Variants in CDKN1A observed in about 807,000 individuals in gnomAD.
The protein encoded by CDKN1A is cyclin dependent kinase inhibitor 1A, also known as cyclin-dependent kinase inhibitor 1.
In CDKN1A, 14 loss-of-function variants were observed where a neutral mutation model predicts 14.8. The observed-to-expected ratio is 0.94, with a 90% confidence interval of 0.62 to 1.48. The LOEUF (loss-of-function observed/expected upper bound fraction) is 1.48, where lower values mean the gene tolerates loss of function less well. CDKN1A is among the 40% of genes most tolerant of loss of function. The probability of loss-of-function intolerance (pLI) is 0.00; values close to 1 mark genes in which losing one functional copy is unlikely to be tolerated. For missense variants in CDKN1A, 203 were observed against 231.7 expected (o/e 0.88, Z 0.80); for synonymous variants, 92 against 93.5 (o/e 0.98, Z 0.09).
At chr6:36,680,036 C>T (rs980825270) in intron 1 of CDKN1A, among the ~76,000 whole-genome samples, 18 of 152,306 alleles carry the variant, frequency 1.2e-4, no homozygotes, top group African/African-American at 4.3e-4. Flanking sequence ...ACAGCGCGTC[C>T]TCTCCGTCCC....
At chr6:36,681,407 TCC>T (rs374647250) in intron 1 of CDKN1A, among the ~76,000 whole-genome samples, 3,324 of 48,858 alleles carry the variant, frequency 0.068, 227 homozygotes, top group East Asian at 0.3. Flanking sequence ...CTTTCTTTCT[TCC>T]TTTCTCTTTC....
intron 1 of CDKN1A, among the ~76,000 whole-genome samples, chr6:36,681,361 T>TTTTC (rs377657015): frequency 0.092 from 5,117 of 55,848 alleles, 384 homozygotes; most frequent in Middle Eastern, 0.15. Context: ...TTTTTCTTTC[T>TTTTC]TTTCTTTCTT....
rs2150313894 is a variant in CDKN1A at position 36,684,365 on chromosome 6, G to C, written c.264G>C (p.Glu88Asp). The C allele has an allele frequency of 6.2e-7, 1 of 1,613,472 alleles. No individual in the cohort carries two copies. The highest frequency in any genetic ancestry group is 8.5e-7 in the Non-Finnish European group (1 of 1,179,860). The change falls in exon 2 of 3, where the codon GAG (glutamate) becomes GAC (aspartate). Residue 88 changes from glutamate to aspartate, a missense_variant. Transcript: ENST00000244741. This position sits in a 1 kb window ranked among gnomAD's most constrained non-coding sequence, Gnocchi z 6.0. ...CGGGGCCCCGGCGAGGCCGGGATGA[G>C]TTGGGAGGAGGCAGGCGGCCTGGCA... ...LPTGPRRGRD[E>D]LGGGRRPGTS...
intron 1 of CDKN1A, among the ~76,000 whole-genome samples, chr6:36,681,317 T>TTTCC (rs1491386900): frequency 1.0e-4 from 13 of 128,190 alleles, no homozygotes; most frequent in African/African-American, 3.2e-4. Flanking sequence ...TCTTTCTTTC[T>TTTCC]TTCTTTCTTT....
intron 1 of CDKN1A, 126 bp from the exon 2 acceptor site, chr6:36,683,971 C>A: frequency 1.1e-6 from 1 of 934,846 alleles, no homozygotes; most frequent in Non-Finnish European, 1.7e-6. Context: ...GGAAGACCAG[C>A]TGGAAGGAGT....
intron 1 of CDKN1A, among the ~76,000 whole-genome samples, chr6:36,681,304 C>CTTTCT (rs1310005414): frequency 1.6e-5 from 2 of 122,726 alleles, no homozygotes; most frequent in African/African-American, 6.1e-5. Context: ...TTCTTTCTTT[C>CTTTCT]TTTCTTTCTT....
chr6:36,685,674 C>G (rs1471787719), intron 2 of CDKN1A, 77 bp from the exon 3 acceptor site: 4 of 1,463,086 alleles, frequency 2.7e-6, no homozygotes, highest in South Asian at 2.3e-5. Context: ...CCTGGCCCCC[C>G]ACTGTCTTCC....
At chr6:36,682,342 C>T (rs1312235622) in intron 1 of CDKN1A, among the ~76,000 whole-genome samples, 2 of 152,226 alleles carry the variant, frequency 1.3e-5, no homozygotes. Flanking sequence ...TCATGCCTAG[C>T]AGAGGGTGGA....
chr6:36,681,039 A>T (rs3176336), intron 1 of CDKN1A, among the ~76,000 whole-genome samples: 82,085 of 151,932 alleles, frequency 0.54, 24,482 homozygotes, highest in African/African-American at 0.79. Context: ...AATATCCAGC[A>T]CCTTGATGAA....
At chr6:36,678,634 G>T, upstream of CDKN1A, 1 of 983,238 alleles carries the variant, frequency 1.0e-6, no homozygotes, top group Non-Finnish European at 1.2e-6. The surrounding 1 kb of genome is among the most constrained non-coding windows in gnomAD (Gnocchi z 5.7). Flanking sequence ...GGCGCGGTGG[G>T]CCGAGCGCGG....
chr6:36,684,320 G>A lies in CDKN1A; in HGVS notation c.219G>A (p.Leu73=), dbSNP rs759649627. 2 of 1,613,436 alleles carry A rather than the reference G, an allele frequency of 1.2e-6. No homozygotes were observed. The highest frequency in any genetic ancestry group is 1.7e-6 in the Non-Finnish European group (2 of 1,180,000). ...GGGAGCGTGTGCGGGGCCTTGGCCT[G>A]CCCAAGCTCTACCTTCCCACGGGGC... is the stretch of plus-strand genomic sequence containing the variant. The part of the protein sequence containing the change: ...FAWERVRGLG[L]PKLYLPTGPR... Residue 73 remains leucine (L), a synonymous_variant, in exon 2 of 3, where the codon CTG becomes CTA. Coordinates refer to ENST00000244741, the MANE Select transcript of CDKN1A (RefSeq NM_000389.5). This position sits in a 1 kb window ranked among gnomAD's most constrained non-coding sequence, Gnocchi z 6.0.
Position 36,684,363 on chromosome 6 carries a change from G to A in CDKN1A, c.262G>A (p.Glu88Lys), listed in dbSNP as rs2150313881. 1 of 1,613,390 alleles carries A rather than the reference G, an allele frequency of 6.2e-7. No homozygotes were observed. Among genetic ancestry groups the A allele is most frequent in the South Asian group, 1.1e-5 (1 of 91,032 alleles). Residue 88 changes from glutamate (E) to lysine (K), a missense_variant, in exon 2 of 3, where the codon GAG (glutamate) becomes AAG (lysine). Transcript: ENST00000244741. This position sits in a 1 kb window ranked among gnomAD's most constrained non-coding sequence, Gnocchi z 6.0. ...CACGGGGCCCCGGCGAGGCCGGGAT[G>A]AGTTGGGAGGAGGCAGGCGGCCTGG... ...LPTGPRRGRD[E>K]LGGGRRPGTS...
chr6:36,681,097 A>C (rs1761924332), intron 1 of CDKN1A, among the ~76,000 whole-genome samples: 1 of 152,154 alleles, frequency 6.6e-6, no homozygotes, highest in Non-Finnish European at 1.5e-5. Context: ...ATTGAGACCC[A>C]GAATGTCCAT....
chr6:36,683,645 A>T (rs1269555911), intron 1 of CDKN1A, among the ~76,000 whole-genome samples: 1 of 152,180 alleles, frequency 6.6e-6, no homozygotes, highest in Non-Finnish European at 1.5e-5. Context: ...AGGAGGCTGG[A>T]GGAACTGTCA....
chr6:36,681,367 TTC>T (rs1200741267), intron 1 of CDKN1A, among the ~76,000 whole-genome samples: 2 of 73,506 alleles, frequency 2.7e-5, no homozygotes, highest in Admixed American at 1.6e-4. Flanking sequence ...TTTCTTTTCT[TTC>T]TTTCTTTCTT....
chr6:36,681,321 T>TTTCC (rs1562038144), intron 1 of CDKN1A, among the ~76,000 whole-genome samples: 27 of 129,112 alleles, frequency 2.1e-4, no homozygotes, highest in African/African-American at 7.5e-4. Flanking sequence ...TCTTTCTTTC[T>TTTCC]TTCTTTCTTT....
In CDKN1A at chr6:36,684,356, C is replaced by A. The variant is rs367848692; in HGVS notation, c.255C>A (p.Gly85=). The A allele has an allele frequency of 3.1e-6, 5 of 1,613,256 alleles. No homozygotes were observed. In the African/African-American group the frequency reaches 4.0e-5, roughly 13 times the overall value. ...KLYLPTGPRR[G]RDELGGGRRP... is the part of the protein sequence containing the mutation. ...ACCTTCCCACGGGGCCCCGGCGAGG[C>A]CGGGATGAGTTGGGAGGAGGCAGGC... Residue 85 remains glycine, a synonymous_variant, in exon 2 of 3, where the codon GGC becomes GGA. Coordinates refer to ENST00000244741, the MANE Select transcript of CDKN1A (RefSeq NM_000389.5). The surrounding 1 kb of genome is among the most constrained non-coding windows in gnomAD (Gnocchi z 6.0).
In CDKN1A at chr6:36,684,345, C is replaced by A. The variant is rs1762123179; in HGVS notation, c.244C>A (p.Pro82Thr). 6.2e-7 allele frequency: 1 copy of A among 1,613,422 alleles called. No homozygotes were observed. The highest frequency in any genetic ancestry group is 8.5e-7 in the Non-Finnish European group (1 of 1,179,954). ...GCCCAAGCTCTACCTTCCCACGGGG[C>A]CCCGGCGAGGCCGGGATGAGTTGGG... Reference protein sequence around the residue: ...GLPKLYLPTGPRRGRDELGGG... With the variant: ...GLPKLYLPTGTRRGRDELGGG... Residue 82 changes from proline (P) to threonine (T), a missense_variant, in exon 2 of 3, where the codon CCC becomes ACC. Pro to Thr is a conservative substitution (Grantham distance 38). Coordinates refer to ENST00000244741, the MANE Select transcript of CDKN1A (RefSeq NM_000389.5). This position sits in a 1 kb window ranked among gnomAD's most constrained non-coding sequence, Gnocchi z 6.0.
rs1762209316 is a variant in CDKN1A at position 36,686,442 on chromosome 6, G to A, written c.*642G>A. 2 of 239,634 alleles carry A rather than the reference G, an allele frequency of 8.3e-6. No homozygotes were observed. The highest frequency in any genetic ancestry group is 1.6e-5 in the Non-Finnish European group (2 of 121,886). The allele number at this position is 239,634 out of a possible 1,614,324, so 14.8% of individuals were successfully genotyped here. On this transcript the variant is annotated 3_prime_UTR_variant, in exon 3 of 3. Transcript: ENST00000244741. The surrounding 1 kb of genome is among the most constrained non-coding windows in gnomAD (Gnocchi z 4.9). ...CTCTGTCTTGTGAAGGCAGGGGGAA[G>A]GTGGGGTCCTGGAGCAGACCACCCC...
Sources: gnomAD v4.1 joint callset for allele counts (sites outside exome capture counted in the v4.1 genomes callset) on GRCh38, gnomAD v4.1.1 for gene constraint, Gnocchi (gnomAD v3.1) non-coding constraint, MANE v1.5 for transcripts, NCBI Gene and HGNC (gene_info 2026-07-23, HGNC 2026-07-21) for gene names.